CBLN2: variants seen among roughly 807,000 people sequenced by gnomAD.
The protein encoded by CBLN2 is cerebellin-2.
Under a neutral mutation model 15.0 loss-of-function variants are expected in CBLN2, and 7 were observed. That is an observed-to-expected ratio of 0.47 (90% CI 0.27 to 0.88). CBLN2 has a LOEUF of 0.88. Among genes scored for constraint, CBLN2 ranks in the 40% least tolerant of loss-of-function variants. The pLI, the probability that CBLN2 is intolerant of heterozygous loss-of-function variation, is 0.14. For missense variants in CBLN2, 242 were observed against 304.5 expected (o/e 0.79, Z 1.53); for synonymous variants, 149 against 135.2 (o/e 1.10, Z -0.71).
intron 1 of CBLN2, among the ~76,000 whole-genome samples, chr18:72,580,332 T>C (rs2069394993): frequency 6.6e-6 from 1 of 152,174 alleles, no homozygotes; most frequent in African/African-American, 2.4e-5. Context: ...TAAGGAAAAC[T>C]ATTCAGCTAT....
At chr18:72,606,478 A>G (rs1039569404) in intron 1 of CBLN2, among the ~76,000 whole-genome samples, 2 of 152,208 alleles carry the variant, frequency 1.3e-5, no homozygotes, top group African/African-American at 4.8e-5. Context: ...TGTCTGTGTT[A>G]TCTGTAGAAT....
At chr18:72,613,521 T>C (rs1170937367) in intron 1 of CBLN2, among the ~76,000 whole-genome samples, 1 of 152,206 alleles carries the variant, frequency 6.6e-6, no homozygotes, top group Non-Finnish European at 1.5e-5. Context: ...CAATTCCATT[T>C]CCACCCTAAT....
At chr18:72,610,266 TC>T (rs2069613437) in intron 1 of CBLN2, among the ~76,000 whole-genome samples, 1 of 151,978 alleles carries the variant, frequency 6.6e-6, no homozygotes, top group African/African-American at 2.4e-5. Flanking sequence ...CCAAGCACAC[TC>T]CATTCTGAGC....
intron 2 of CBLN2, chr18:72,542,985 C>T: frequency 6.4e-6 from 1 of 155,508 alleles, no homozygotes; most frequent in Non-Finnish European, 1.4e-5. Context: ...CACCTACTTC[C>T]AAGGTCCCTG....
Position 72,596,300 on chromosome 18 carries a change from A to G in CBLN2, c.15+42025T>C, listed in dbSNP as rs191439397. Among the ~76,000 whole-genome samples, 624 of 152,122 alleles carry G rather than the reference A, an allele frequency of 4.1e-3. 7 individuals are homozygous for G. The highest frequency in any genetic ancestry group is 0.014 in the African/African-American group (565 of 41,530). On this transcript the variant is annotated intron_variant, in intron 1 of 2. Coordinates refer to the CBLN2 transcript ENST00000581073. ...AAAATTAATAAAAACTCTGTTTTTT[A>G]TTAATAAAAAATTAATAAAAACATC...
intron 1 of CBLN2, among the ~76,000 whole-genome samples, chr18:72,604,034 C>T (rs968546877): frequency 2.0e-5 from 3 of 152,132 alleles, no homozygotes; most frequent in Admixed American, 6.5e-5. Flanking sequence ...CGTCCAGCAC[C>T]GATTACATCG....
intron 1 of CBLN2, among the ~76,000 whole-genome samples, chr18:72,579,171 A>G (rs147839449): frequency 1.3e-5 from 2 of 152,362 alleles, no homozygotes; most frequent in East Asian, 1.9e-4. Flanking sequence ...TACTGCCTTT[A>G]TCATTAAATA....
intron 1 of CBLN2, among the ~76,000 whole-genome samples, chr18:72,628,316 T>C (rs1002006070): frequency 6.6e-6 from 1 of 152,236 alleles, no homozygotes; most frequent in African/African-American, 2.4e-5. Flanking sequence ...GGAGGCAGGC[T>C]CTGCACTGGA....
intron 1 of CBLN2, among the ~76,000 whole-genome samples, chr18:72,609,798 T>C (rs1389886609): frequency 6.6e-6 from 1 of 152,224 alleles, no homozygotes; most frequent in Admixed American, 6.5e-5. Context: ...TACTTCTTGA[T>C]TGTCTTCCCA....
At chr18:72,599,351 C>T (rs1483556926) in intron 1 of CBLN2, among the ~76,000 whole-genome samples, 2 of 151,942 alleles carry the variant, frequency 1.3e-5, no homozygotes, top group South Asian at 4.2e-4. Context: ...CAGAATAATT[C>T]GTGGGTGGTA....
At chr18:72,570,146 ATGG>A (rs1363116775) in intron 1 of CBLN2, among the ~76,000 whole-genome samples, 2 of 152,178 alleles carry the variant, frequency 1.3e-5, no homozygotes, top group Admixed American at 1.3e-4. Context: ...TTGTGAATGT[ATGG>A]TCACATTTTT....
intron 1 of CBLN2, among the ~76,000 whole-genome samples, chr18:72,579,732 G>GCAAAAAAA (rs1215933934): frequency 2.1e-5 from 2 of 93,970 alleles, no homozygotes; most frequent in Non-Finnish European, 6.7e-5. Context: ...ACTCCGTCTC[G>GCAAAAAAA]CAAAAAACAA....
At chr18:72,561,083 G>T (rs1301029557) in intron 1 of CBLN2, among the ~76,000 whole-genome samples, 2 of 151,224 alleles carry the variant, frequency 1.3e-5, no homozygotes, top group African/African-American at 4.9e-5. Context: ...GGTGTAAGTG[G>T]TACTTAGATA....
chr18:72,594,610 A>G (rs528197771), intron 1 of CBLN2, among the ~76,000 whole-genome samples: 150 of 152,200 alleles, frequency 9.9e-4, no homozygotes, highest in Middle Eastern at 3.4e-3. Context: ...TAGGATAGGT[A>G]CTAGTTCTTT....
intron 1 of CBLN2, among the ~76,000 whole-genome samples, chr18:72,563,993 G>A (rs186955557): frequency 6.4e-4 from 98 of 152,208 alleles, no homozygotes; most frequent in African/African-American, 2.0e-3. Context: ...ATGTCCACTC[G>A]AAACCAAAGC....
At chr18:72,575,039 G>A (rs1294845867) in intron 1 of CBLN2, among the ~76,000 whole-genome samples, 1 of 152,182 alleles carries the variant, frequency 6.6e-6, no homozygotes, top group Non-Finnish European at 1.5e-5. Flanking sequence ...TGAGTAAGCA[G>A]AGGGTTAAAC....
chr18:72,539,888 C>T (rs1209628035), intron 3 of CBLN2: 1 of 152,222 alleles, frequency 6.6e-6, no homozygotes, highest in Non-Finnish European at 1.5e-5. Context: ...GGAATACAAA[C>T]TTCAACTGGA....
intron 1 of CBLN2, among the ~76,000 whole-genome samples, chr18:72,558,558 G>A (rs1048709642): frequency 6.6e-6 from 1 of 152,066 alleles, no homozygotes; most frequent in African/African-American, 2.4e-5. Context: ...GGTGTGCAAA[G>A]CTTCTGTTCT....
chr18:72,598,081 A>C (rs1261344319), intron 1 of CBLN2, among the ~76,000 whole-genome samples: 4 of 152,038 alleles, frequency 2.6e-5, no homozygotes, highest in Non-Finnish European at 5.9e-5. Context: ...AGTCCCCTTC[A>C]CTGTTCCTTC....
Sources: allele counts gnomAD v4.1 joint callset (sites outside exome capture counted in the v4.1 genomes callset), GRCh38; gene constraint gnomAD v4.1.1; transcripts MANE v1.5; gene names NCBI Gene and HGNC (gene_info 2026-07-23, HGNC 2026-07-21).